Variants in DISP1 observed in about 807,000 individuals in gnomAD.
DISP1 encodes dispatched RND transporter family member 1.
A neutral mutation model predicts 37.3 loss-of-function variants in DISP1; 30 were observed. The ratio of observed to expected loss-of-function variants is 0.80; its 90% CI spans 0.60 to 1.09. The LOEUF (loss-of-function observed/expected upper bound fraction) is 1.09. DISP1 is among the 50% of genes least tolerant of loss of function. DISP1 has a pLI of 0.00. For synonymous variants in DISP1, 634 were observed against 690.2 expected (o/e 0.92, Z 1.28); for missense variants, 1,598 against 1,879.5 (o/e 0.85, Z 2.77).
chr1:222,996,895 C>CT (rs903324609), intron 8 of DISP1, among the ~76,000 whole-genome samples: 7 of 151,814 alleles, frequency 4.6e-5, no homozygotes, highest in Non-Finnish European at 7.4e-5. Context: ...AATAAGTATC[C>CT]TTTTTTTTCT....
intron 1 of DISP1, among the ~76,000 whole-genome samples, chr1:222,927,659 A>G (rs1451449933): frequency 6.6e-6 from 1 of 152,168 alleles, no homozygotes; most frequent in Non-Finnish European, 1.5e-5. Flanking sequence ...TTTATTACCA[A>G]AGTCATGAAG....
intron 1 of DISP1, among the ~76,000 whole-genome samples, chr1:222,902,584 C>A (rs1246952187): frequency 1.3e-5 from 2 of 151,868 alleles, no homozygotes; most frequent in African/African-American, 2.4e-5. Context: ...CCAGAATCTA[C>A]AATGAACTCA....
rs143826411 is a variant in DISP1 at position 222,882,768 on chromosome 1, G to T, written c.-158-45662G>T. 2.9e-3 allele frequency among the ~76,000 whole-genome samples: 448 copies of T among 152,112 alleles called. 3 individuals carry two copies. The highest frequency in any genetic ancestry group is 0.01 in the African/African-American group (435 of 41,530). ...ATAAATTCTTTATCTTCTATGACAG[G>T]CTAAACTTACTGGAAATAAATGTTG... On this transcript the variant is annotated intron_variant, in intron 1 of 8. Transcript: ENST00000675850.
At chr1:222,860,614 C>A (rs1379608012) in intron 1 of DISP1, among the ~76,000 whole-genome samples, 2 of 151,972 alleles carry the variant, frequency 1.3e-5, no homozygotes, top group African/African-American at 2.4e-5. Flanking sequence ...GGGCCGGGTG[C>A]GGTCGCTCAC....
chr1:222,941,727 A>C (rs2125490122), intron 2 of DISP1, among the ~76,000 whole-genome samples: 1 of 152,156 alleles, frequency 6.6e-6, no homozygotes, highest in Non-Finnish European at 1.5e-5. Context: ...GAAAAAGATG[A>C]TTTCTTCTGA....
intron 3 of DISP1, among the ~76,000 whole-genome samples, chr1:222,972,736 A>G (rs1677051870): frequency 6.6e-6 from 1 of 152,112 alleles, no homozygotes; most frequent in African/African-American, 2.4e-5. Context: ...TTATCTTCCT[A>G]TTCCCCATTC....
At chr1:222,825,746 G>A (rs1218354196) in intron 1 of DISP1, among the ~76,000 whole-genome samples, 4 of 151,972 alleles carry the variant, frequency 2.6e-5, no homozygotes, top group Non-Finnish European at 5.9e-5. Flanking sequence ...CAAGCAATCC[G>A]GCGGCCTCGG....
chr1:222,932,064 C>G (rs575605163), intron 2 of DISP1, among the ~76,000 whole-genome samples: 119 of 151,968 alleles, frequency 7.8e-4, no homozygotes, highest in African/African-American at 2.8e-3. Context: ...CTTAGAGTAC[C>G]AGGTCCAACT....
intron 2 of DISP1, among the ~76,000 whole-genome samples, chr1:222,934,901 G>A (rs1673625130): frequency 6.6e-6 from 1 of 152,144 alleles, no homozygotes; most frequent in African/African-American, 2.4e-5. Context: ...TAGAACCTCT[G>A]TTGTTAAATG....
At chr1:222,916,670 A>G (rs1485344988) in intron 1 of DISP1, among the ~76,000 whole-genome samples, 1 of 152,218 alleles carries the variant, frequency 6.6e-6, no homozygotes, top group Non-Finnish European at 1.5e-5. Context: ...TTTTGAGCCT[A>G]ACAACACGTC....
chr1:222,979,463 A>T (rs1677670218), intron 3 of DISP1, among the ~76,000 whole-genome samples: 1 of 152,294 alleles, frequency 6.6e-6, no homozygotes, highest in African/African-American at 2.4e-5. Context: ...AGTTGTAGTG[A>T]TGGTTGCATA....
At chr1:222,911,444 GCA>G (rs934622355) in intron 1 of DISP1, among the ~76,000 whole-genome samples, 1 of 152,102 alleles carries the variant, frequency 6.6e-6, no homozygotes, top group African/African-American at 2.4e-5. Flanking sequence ...TAAAGGAAGG[GCA>G]CCTTCTAGTA....
At chr1:222,961,576 C>A (rs1348739838) in intron 3 of DISP1, among the ~76,000 whole-genome samples, 2 of 152,184 alleles carry the variant, frequency 1.3e-5, no homozygotes, top group East Asian at 3.8e-4. Flanking sequence ...GATGCGCTCT[C>A]TCGCCACTCC....
In DISP1 at chr1:223,005,010, C is replaced by T. The variant is rs2102807687; in HGVS notation, c.3613C>T (p.Pro1205Ser). The T allele has an allele frequency of 6.2e-7, 1 of 1,614,112 alleles. No individual in the cohort carries two copies. Among genetic ancestry groups the T allele is most frequent in the Non-Finnish European group, 8.5e-7 (1 of 1,180,028 alleles). Residue 1205 changes from proline (P) to serine (S), a missense_variant, in exon 9 of 9, where the codon CCT becomes TCT. Pro to Ser is a moderately conservative substitution (Grantham distance 74). Transcript: ENST00000675850. ...TCTGGCTTCCCACAGCTGCACTGCC[C>T]CTGAGAAGACCACTTATGAAGAGAC... ...EPLASHSCTA[P>S]EKTTYEETHI...
chr1:222,959,003 C>A (rs1675827730), intron 3 of DISP1, among the ~76,000 whole-genome samples: 1 of 151,696 alleles, frequency 6.6e-6, no homozygotes, highest in Non-Finnish European at 1.5e-5. Context: ...TAAATTCTTT[C>A]TAATTCTCAT....
chr1:222,932,680 G>T (rs774272068), intron 2 of DISP1, among the ~76,000 whole-genome samples: 1 of 152,000 alleles, frequency 6.6e-6, no homozygotes, highest in Non-Finnish European at 1.5e-5. Context: ...AAAGCTATGA[G>T]AAGCCTTCCC....
At chr1:222,981,779 C>G (rs193160417) in intron 3 of DISP1, among the ~76,000 whole-genome samples, 233 of 152,240 alleles carry the variant, frequency 1.5e-3, no homozygotes, top group African/African-American at 5.4e-3. Context: ...TTTTGTTTCT[C>G]CAAGTATGGT....
At chr1:222,976,357 G>A (rs570358691) in intron 3 of DISP1, among the ~76,000 whole-genome samples, 1 of 152,254 alleles carries the variant, frequency 6.6e-6, no homozygotes, top group African/African-American at 2.4e-5. Context: ...TCCCTGGCTA[G>A]CCTCCTTTCA....
chr1:222,852,918 A>T (rs1290177876), intron 1 of DISP1, among the ~76,000 whole-genome samples: 1 of 152,174 alleles, frequency 6.6e-6, no homozygotes, highest in African/African-American at 2.4e-5. Context: ...TGGGTGTACA[A>T]TAGTGAGTAG....
Sources: allele counts gnomAD v4.1 joint callset (sites outside exome capture counted in the v4.1 genomes callset), GRCh38; gene constraint gnomAD v4.1.1; transcripts MANE v1.5; gene names NCBI Gene and HGNC (gene_info 2026-07-23, HGNC 2026-07-21).